The following CPS1 variants were observed in gnomAD, a reference collection of about 807,000 sequenced individuals.
The protein encoded by CPS1 is carbamoyl-phosphate synthase 1, also known as carbamoyl-phosphate synthase [ammonia], mitochondrial.
A neutral mutation model predicts 174.6 loss-of-function variants in CPS1; 109 were observed. The ratio of observed to expected loss-of-function variants is 0.62; its 90% CI spans 0.53 to 0.73. CPS1 has a LOEUF of 0.73. Ranked by LOEUF, CPS1 falls within the 30% of genes least tolerant of loss-of-function variation. The pLI, the probability that CPS1 is intolerant of heterozygous loss-of-function variation, is 0.00. For synonymous variants in CPS1, 637 were observed against 632.0 expected, an observed-to-expected ratio of 1.01 and a Z score of -0.12; for missense variants, 1,689 against 1,821.9, an observed-to-expected ratio of 0.93 and a Z score of 1.33.
At chr2:210,505,897 AACTGGGTG>A (rs1341375658) in intron 1 of CPS1, among the ~76,000 whole-genome samples, 1 of 152,194 alleles carries the variant, frequency 6.6e-6, no homozygotes. Flanking sequence ...GGGAAGCTCG[AACTGGGTG>A]GAGCCCACCG....
intron 19 of CPS1, among the ~76,000 whole-genome samples, chr2:210,609,955 C>T (rs1699052574): frequency 6.6e-6 from 1 of 151,878 alleles, no homozygotes; most frequent in Non-Finnish European, 1.5e-5. Context: ...TTGTAAGATA[C>T]TAATGAAAGA....
intron 27 of CPS1, 80 bp downstream of exon 27, chr2:210,648,620 T>C (rs1700461037): frequency 1.9e-6 from 2 of 1,058,768 alleles, no homozygotes; most frequent in East Asian, 4.7e-5. Context: ...CTAATAGCAC[T>C]AGGGTTCTAT....
chr2:210,599,945 A>G (rs374306682), intron 14 of CPS1, among the ~76,000 whole-genome samples: 4 of 152,004 alleles, frequency 2.6e-5, no homozygotes, highest in South Asian at 4.1e-4. Flanking sequence ...TTTCCTCTCA[A>G]ACACATTTTC....
At chr2:210,554,258 T>C (rs141783422), upstream of CPS1, among the ~76,000 whole-genome samples, 489 of 147,978 alleles carry the variant, frequency 3.3e-3, 5 homozygotes, top group Non-Finnish European at 4.9e-3. Context: ...TACACACACA[T>C]ATATATATGT....
At chr2:210,493,692 T>C (rs1293696107) in intron 1 of CPS1, among the ~76,000 whole-genome samples, 2 of 152,202 alleles carry the variant, frequency 1.3e-5, no homozygotes, top group East Asian at 3.8e-4. Flanking sequence ...GTCTTGCCTA[T>C]TTATAAGTCA....
chr2:210,595,535 G>C lies in CPS1; in HGVS notation c.1312G>C (p.Ala438Pro), dbSNP rs772497399. The C allele has an allele frequency of 5.0e-6, 8 of 1,611,620 alleles. No individual in the cohort carries two copies. Among genetic ancestry groups the C allele is most frequent in the East Asian group, 2.2e-5 (1 of 44,718 alleles). Residue 438 changes from alanine (A) to proline (P), a missense_variant, in exon 13 of 38, where the codon GCT becomes CCT. Physicochemically the swap from Ala to Pro is conservative, Grantham distance 27. Coordinates refer to ENST00000233072, the MANE Select transcript of CPS1 (RefSeq NM_001875.5). The stretch of plus-strand genomic sequence containing the variant: ...ATCAGGAGGTCTGTCCATTGGTCAG[G>C]CTGGAGAATTTGATTACTCAGGATC... ...LGSGGLSIGQ[A>P]GEFDYSGSQA...
In CPS1 at chr2:210,672,765, A is replaced by C. The variant is rs187503462; in HGVS notation, c.4102-2137A>C. ...TGGGCATGGTTAAAATTCATGTTCT[A>C]TAAGGCAGTCATGAATAACCACTGA... On this transcript the variant is annotated intron_variant, in intron 34 of 37. Coordinates refer to ENST00000233072, the MANE Select transcript of CPS1 (RefSeq NM_001875.5). The C allele has an allele frequency of 8.0e-4, 122 of 152,324 alleles. 1 individual carries two copies. Among genetic ancestry groups the C allele is most frequent in the African/African-American group, 2.8e-3 (117 of 41,582 alleles). The allele number at this position is 152,324 out of a possible 1,614,324, so 9.4% of individuals were successfully genotyped here.
At chr2:210,536,995 T>G (rs1160336164) in intron 1 of CPS1, among the ~76,000 whole-genome samples, 1 of 152,212 alleles carries the variant, frequency 6.6e-6, no homozygotes, top group African/African-American at 2.4e-5. Flanking sequence ...TATATCATAT[T>G]CATGAACACA....
intron 6 of CPS1, among the ~76,000 whole-genome samples, chr2:210,583,128 G>A (rs930552451): frequency 3.3e-5 from 5 of 152,078 alleles, no homozygotes; most frequent in African/African-American, 1.2e-4. Context: ...GGGGCATTTT[G>A]TGCAGGAAAA....
At chr2:210,653,749 T>G (rs1700625015) in intron 28 of CPS1, among the ~76,000 whole-genome samples, 1 of 152,222 alleles carries the variant, frequency 6.6e-6, no homozygotes, top group South Asian at 2.1e-4. Flanking sequence ...CCCTCTTTTC[T>G]CTAATTGACC....
chr2:210,518,614 G>A (rs1695741989), intron 1 of CPS1, among the ~76,000 whole-genome samples: 2 of 152,038 alleles, frequency 1.3e-5, no homozygotes, highest in Non-Finnish European at 2.9e-5. Flanking sequence ...AGTCACGTAA[G>A]AAAAGGAACA....
intron 21 of CPS1, chr2:210,617,637 T>C (rs1317882297): frequency 6.6e-6 from 1 of 152,018 alleles, no homozygotes; most frequent in African/African-American, 2.4e-5. Context: ...TTATTGCCCA[T>C]GTCAAATGCT....
At chr2:210,549,860 A>G (rs1213694802) in intron 1 of CPS1, among the ~76,000 whole-genome samples, 1 of 152,054 alleles carries the variant, frequency 6.6e-6, no homozygotes, top group Admixed American at 6.6e-5. Context: ...TCAGTACATA[A>G]TTCCTGAATT....
At chr2:210,653,953 G>T in intron 28 of CPS1, 72 bp from the exon 29 acceptor site, 1 of 1,191,516 alleles carries the variant, frequency 8.4e-7, no homozygotes, top group Non-Finnish European at 1.3e-6. Flanking sequence ...AATACTTAAA[G>T]TACATGGCTT....
At position 210,678,090 on chromosome 2, in the gene CPS1, C is replaced by T. The variant is rs1701593579; in HGVS notation, c.*105C>T. The T allele has an allele frequency of 3.3e-6, 3 of 897,856 alleles. No homozygotes were observed. The highest frequency in any genetic ancestry group is 5.7e-6 in the Non-Finnish European group (3 of 527,476). The allele number at this position is 897,856 out of a possible 1,614,324, so 55.6% of individuals were successfully genotyped here. A position where few individuals can be genotyped will look rare whatever the true frequency, so the allele number is the denominator to read the frequency against. On this transcript the variant is annotated 3_prime_UTR_variant, in exon 38 of 38. Transcript: ENST00000233072. ...GAGATGAATATTGATAACTAAACTT[C>T]ATTTCAGTTTACTTTGTTATGCCTT...
At chr2:210,665,195 G>C (rs2105928565) in intron 33 of CPS1, among the ~76,000 whole-genome samples, 1 of 152,284 alleles carries the variant, frequency 6.6e-6, no homozygotes, top group East Asian at 1.9e-4. Flanking sequence ...TCACTGTGGA[G>C]AGAAAAGCAG....
intron 1 of CPS1, among the ~76,000 whole-genome samples, chr2:210,520,723 T>C (rs1319427039): frequency 1.3e-5 from 2 of 152,048 alleles, no homozygotes; most frequent in Non-Finnish European, 2.9e-5. Context: ...TCTAGCTTCT[T>C]TCACCAAACA....
intron 1 of CPS1, among the ~76,000 whole-genome samples, chr2:210,562,769 T>C (rs2106049504): frequency 6.6e-6 from 1 of 152,208 alleles, no homozygotes; most frequent in Non-Finnish European, 1.5e-5. Context: ...GTGCAAATAG[T>C]TTACGTAGAT....
At chr2:210,641,630 C>T (rs961864049) in intron 24 of CPS1, among the ~76,000 whole-genome samples, 1 of 152,186 alleles carries the variant, frequency 6.6e-6, no homozygotes, top group African/African-American at 2.4e-5. Flanking sequence ...TGTCTACTCT[C>T]TGGAGTACTT....
Sources: allele counts gnomAD v4.1 joint callset (sites outside exome capture counted in the v4.1 genomes callset), GRCh38; gene constraint gnomAD v4.1.1; transcripts MANE v1.5; gene names NCBI Gene and HGNC (gene_info 2026-07-23, HGNC 2026-07-21).